Variants in FCAR observed in about 807,000 individuals in gnomAD.
The protein encoded by FCAR is immunoglobulin alpha Fc receptor.
In FCAR, 21 loss-of-function variants were observed where a neutral mutation model predicts 27.1. The observed-to-expected ratio is 0.77, with a 90% confidence interval of 0.55 to 1.11. The LOEUF is 1.11. Ranked by LOEUF, FCAR falls within the 50% of genes most tolerant of loss-of-function variation. The pLI, the probability that FCAR is intolerant of heterozygous loss-of-function variation, is 0.00. For missense variants in FCAR, 404 were observed against 358.4 expected (o/e 1.13, Z -1.03); for synonymous variants, 134 against 135.8 (o/e 0.99, Z 0.09).
intron 4 of FCAR, chr19:54,888,757 C>G: frequency 1.6e-5 from 15 of 915,082 alleles, no homozygotes; most frequent in Non-Finnish European, 2.0e-5. Context: ...CCACCTGCCT[C>G]GGCCTCCCAA....
intron 1 of FCAR, among the ~76,000 whole-genome samples, chr19:54,874,679 C>T (rs1362562800): frequency 6.6e-6 from 1 of 150,930 alleles, no homozygotes; most frequent in Non-Finnish European, 1.5e-5. Flanking sequence ...TATGATAGAA[C>T]CCCATATAGA....
At position 54,889,733 on chromosome 19, in the gene FCAR, T is replaced by C; in HGVS notation, c.734T>C (p.Leu245Pro). The change falls in exon 5 of 5, where the codon CTG becomes CCG. Residue 245 changes from leucine to proline, a missense_variant. By Grantham distance (98) the Leu-to-Pro change is moderately conservative (BLOSUM62 -3). Transcript: ENST00000355524. Reference sequence around the variant, plus strand: ...GTCCTCGTGGCTCTCTTGGCCATACTGGTTGAAAATTGGCACAGCCATACG... The same window carrying C: ...GTCCTCGTGGCTCTCTTGGCCATACCGGTTGAAAATTGGCACAGCCATACG... Reference protein sequence around the residue: ...GLVLVALLAILVENWHSHTAL... With the variant: ...GLVLVALLAIPVENWHSHTAL... 6.2e-7 allele frequency: 1 copy of C among 1,614,032 alleles called. No individual in the cohort carries two copies. The highest frequency in any genetic ancestry group is 8.5e-7 in the Non-Finnish European group (1 of 1,180,006).
At position 54,885,526 on chromosome 19, in the gene FCAR, G is replaced by C; in HGVS notation, c.361+1G>C. ...GACACCCTGGAGCTGGTAGTGACAG[G>C]TAAGGAAACATCCAGGGTCCACAGC... On this transcript the variant is annotated splice_donor_variant, in intron 3 of 4. Transcript: ENST00000355524. LOFTEE classifies it high-confidence loss of function. 1 of 1,605,090 alleles carries C rather than the reference G, an allele frequency of 6.2e-7. No homozygotes were observed. The highest frequency in any genetic ancestry group is 8.5e-7 in the Non-Finnish European group (1 of 1,171,986).
chr19:54,878,403 C>T lies in FCAR; in HGVS notation c.70+3038C>T, dbSNP rs1475662923. Among the ~76,000 whole-genome samples, 10 of 152,248 alleles carry T rather than the reference C, an allele frequency of 6.6e-5. No homozygotes were observed. The East Asian group carries it at 1.3e-3, about 21-fold the overall frequency. On this transcript the variant is annotated intron_variant, in intron 2 of 4. Transcript: ENST00000355524. The stretch of plus-strand genomic sequence containing the variant: ...GTTTGCCTCAATGATCTAATACTGT[C>T]GGCGGGATGTTAAAGTCTCCCCCTA...
At chr19:54,876,813 C>T (rs981026131) in intron 2 of FCAR, among the ~76,000 whole-genome samples, 7 of 152,032 alleles carry the variant, frequency 4.6e-5, no homozygotes, top group African/African-American at 1.4e-4. Flanking sequence ...CCCAGCTGCT[C>T]GGGAGGCTCA....
intron 2 of FCAR, among the ~76,000 whole-genome samples, chr19:54,884,699 G>A (rs1256076648): frequency 6.7e-6 from 1 of 149,474 alleles, no homozygotes; most frequent in Non-Finnish European, 1.5e-5. Context: ...GAAGAAAGGG[G>A]GTTGAAAAAC....
At chr19:54,882,319 C>A (rs1175750288) in intron 2 of FCAR, among the ~76,000 whole-genome samples, 1 of 152,144 alleles carries the variant, frequency 6.6e-6, no homozygotes, top group Non-Finnish European at 1.5e-5. Context: ...AGCGTCCTGG[C>A]CATCCAGATT....
At chr19:54,874,435 T>A in intron 1 of FCAR, 112 bp downstream of exon 1, 9 of 1,049,294 alleles carry the variant, frequency 8.6e-6, no homozygotes, top group Non-Finnish European at 1.3e-5. Flanking sequence ...AAGGAGATTC[T>A]GATCTCCTTA....
intron 3 of FCAR, among the ~76,000 whole-genome samples, chr19:54,885,887 G>A (rs2066691530): frequency 6.6e-6 from 1 of 152,202 alleles, no homozygotes; most frequent in Non-Finnish European, 1.5e-5. Flanking sequence ...CGAGGCGGGT[G>A]GATCACCCAA....
rs587748762 is a variant in FCAR, at chr19:54,882,996, GTTTTGTTTCGTT to G, written c.71-2221_71-2210del. Among the ~76,000 whole-genome samples, 55 of 151,870 alleles carry G rather than the reference GTTTTGTTTCGTT, an allele frequency of 3.6e-4. 2 individuals carry two copies. In the South Asian group the frequency reaches 0.011, roughly 30 times the overall value. On this transcript the variant is annotated intron_variant, in intron 2 of 4. Transcript: ENST00000355524. ...ATCTTAGCCACAAGGCTCTTTTGTAGTTTTGTTTCGTTTTTTGTTTCGTTTTTTGACACAGGG... is the reference window on the plus strand; with the variant it reads ...ATCTTAGCCACAAGGCTCTTTTGTAGTTTTGTTTCGTTTTTTGACACAGGG...
chr19:54,878,897 G>A (rs1043796913), intron 2 of FCAR, among the ~76,000 whole-genome samples: 1 of 55,816 alleles, frequency 1.8e-5, no homozygotes, highest in Non-Finnish European at 3.7e-5. Context: ...TTTTTTTTTT[G>A]AGATGGAGTC....
chr19:54,883,152 C>A (rs761508701), intron 2 of FCAR, among the ~76,000 whole-genome samples: 1 of 151,890 alleles, frequency 6.6e-6, no homozygotes, highest in Non-Finnish European at 1.5e-5. Context: ...ACTACAAGCA[C>A]GCAGCACCAT....
Position 54,885,306 on chromosome 19 carries a change from C to T in FCAR, c.142C>T (p.Gln48Ter). The T allele has an allele frequency of 6.2e-7, 1 of 1,613,942 alleles. No homozygotes were observed. Among genetic ancestry groups the T allele is most frequent in the Non-Finnish European group, 8.5e-7 (1 of 1,179,938 alleles). The change falls in exon 3 of 5, where the codon CAG becomes TAG. Residue 48 changes from glutamine to a stop codon, truncating the protein, a stop_gained. Transcript: ENST00000355524. LOFTEE classifies it high-confidence loss of function. ...TCCCTTGGATGGATCTGTGAAAATC[C>T]AGTGCCAGGCCATTCGTGAAGCTTA... ...VIPLDGSVKI[Q>*]CQAIREAYLT...
chr19:54,877,753 C>T (rs1385160558), intron 2 of FCAR, among the ~76,000 whole-genome samples: 2 of 152,152 alleles, frequency 1.3e-5, no homozygotes, highest in Non-Finnish European at 2.9e-5. Context: ...TCCCCCTTAA[C>T]ACTGCCTTAG....
At position 54,885,512 on chromosome 19, in the gene FCAR, G is replaced by A; in HGVS notation, c.348G>A (p.Glu116=). 6.2e-7 allele frequency: 1 copy of A among 1,611,310 alleles called. No homozygotes were observed. Among genetic ancestry groups the A allele is most frequent in the Non-Finnish European group, 8.5e-7 (1 of 1,177,434 alleles). ...HYRFRYSDTL[E]LVVTGLYGKP... ...GGTTCCGGTACAGTGACACCCTGGA[G>A]CTGGTAGTGACAGGTAAGGAAACAT... Residue 116 remains glutamate, a synonymous_variant, in exon 3 of 5, where the codon GAG becomes GAA. Coordinates refer to ENST00000355524, the MANE Select transcript of FCAR (RefSeq NM_002000.4).
At chr19:54,884,371 C>T (rs1345038029) in intron 2 of FCAR, among the ~76,000 whole-genome samples, 1 of 152,190 alleles carries the variant, frequency 6.6e-6, no homozygotes, top group African/African-American at 2.4e-5. Flanking sequence ...GTGGCTCACG[C>T]TTGTAATCCC....
chr19:54,880,512 G>T (rs1372831882), intron 2 of FCAR, among the ~76,000 whole-genome samples: 1 of 152,080 alleles, frequency 6.6e-6, no homozygotes, highest in East Asian at 1.9e-4. Context: ...GAATCTTGAT[G>T]ACCTTAATTT....
chr19:54,883,904 C>G (rs2066557226), intron 2 of FCAR, among the ~76,000 whole-genome samples: 1 of 152,008 alleles, frequency 6.6e-6, no homozygotes, highest in Non-Finnish European at 1.5e-5. Flanking sequence ...TTGCAGTGAG[C>G]CAAGATCACA....
chr19:54,886,370 A>G (rs1172857606), intron 3 of FCAR, among the ~76,000 whole-genome samples: 3 of 129,236 alleles, frequency 2.3e-5, no homozygotes, highest in Non-Finnish European at 4.7e-5. Flanking sequence ...GCAGTGGCAC[A>G]ATCTCGGCTC....
Sources: allele counts gnomAD v4.1 joint callset (sites outside exome capture counted in the v4.1 genomes callset), GRCh38; gene constraint gnomAD v4.1.1; transcripts MANE v1.5; gene names NCBI Gene and HGNC (gene_info 2026-07-23, HGNC 2026-07-21).